Variants in MTCL3 observed in about 807,000 individuals in gnomAD.
MTCL3 encodes microtubule cross-linking factor 3.
At chr6:127,496,798 A>AT in the MTCL3 span, among the ~76,000 whole-genome samples, 1 of 152,216 alleles carries the variant, frequency 6.6e-6, no homozygotes, top group African/African-American at 2.4e-5. Context: ...TAGATAAAAT[A>AT]TGATATTTGC....
At chr6:127,510,845 T>C in the MTCL3 span, among the ~76,000 whole-genome samples, 1 of 152,148 alleles carries the variant, frequency 6.6e-6, no homozygotes, top group African/African-American at 2.4e-5. Context: ...ACCCTCCCTG[T>C]CAAATTCATA....
chr6:127,474,155 T>TAA, the MTCL3 span, among the ~76,000 whole-genome samples: 247 of 148,432 alleles, frequency 1.7e-3, no homozygotes, highest in South Asian at 4.7e-3. Flanking sequence ...CAACTTATGG[T>TAA]AAAAAAAAAA....
chr6:127,486,554 G>A, the MTCL3 span, among the ~76,000 whole-genome samples: 2 of 152,082 alleles, frequency 1.3e-5, no homozygotes, highest in African/African-American at 2.4e-5. Flanking sequence ...GAGCAGTTGG[G>A]GAGGCCACAA....
chr6:127,516,607 T>C, the MTCL3 span: 4 of 1,596,368 alleles, frequency 2.5e-6, no homozygotes, highest in African/African-American at 1.3e-5. Flanking sequence ...GATTGGTGGC[T>C]GACTCATGGC....
the MTCL3 span, among the ~76,000 whole-genome samples, chr6:127,509,367 C>G: frequency 6.6e-6 from 1 of 152,184 alleles, no homozygotes; most frequent in Non-Finnish European, 1.5e-5. Flanking sequence ...TGCACAAGAC[C>G]TTGTGCAGCC....
chr6:127,475,566 C>G, the MTCL3 span: 1 of 1,609,376 alleles, frequency 6.2e-7, no homozygotes, highest in Non-Finnish European at 8.5e-7. This position sits in a 1 kb window ranked among gnomAD's most constrained non-coding sequence, Gnocchi z 7.3. Flanking sequence ...GCTCGGCCTC[C>G]GAGCGGATGT....
chr6:127,492,222 A>C, the MTCL3 span, among the ~76,000 whole-genome samples: 1 of 152,210 alleles, frequency 6.6e-6, no homozygotes, highest in Non-Finnish European at 1.5e-5. Context: ...CCACAGAATT[A>C]TGAGCCACAT....
the MTCL3 span, among the ~76,000 whole-genome samples, chr6:127,503,680 TGTTTCTGGGG>T: frequency 1.3e-5 from 2 of 152,200 alleles, no homozygotes; most frequent in African/African-American, 2.4e-5. Flanking sequence ...GAAGACCTGT[TGTTTCTGGGG>T]GATAAATGGA....
the MTCL3 span, among the ~76,000 whole-genome samples, chr6:127,490,855 G>A: frequency 2.0e-4 from 30 of 152,016 alleles, no homozygotes; most frequent in African/African-American, 7.2e-4. Flanking sequence ...ACACAAAAAA[G>A]AATATTCATG....
At chr6:127,516,624 C>T in the MTCL3 span, 1 of 1,594,578 alleles carries the variant, frequency 6.3e-7, no homozygotes, top group Non-Finnish European at 8.5e-7. Flanking sequence ...TGGCTATGAA[C>T]CTACCAGATG....
the MTCL3 span, among the ~76,000 whole-genome samples, chr6:127,499,121 T>TA: frequency 6.6e-6 from 1 of 151,942 alleles, no homozygotes; most frequent in South Asian, 2.1e-4. Context: ...AAAAGTCAGC[T>TA]AAAAAAAGAA....
At chr6:127,499,802 G>A in the MTCL3 span, among the ~76,000 whole-genome samples, 6 of 152,174 alleles carry the variant, frequency 3.9e-5, no homozygotes, top group Admixed American at 2.6e-4. Flanking sequence ...GCCAATAGAA[G>A]GCACTGGCAG....
chr6:127,480,939 A>G, the MTCL3 span, among the ~76,000 whole-genome samples: 1 of 152,262 alleles, frequency 6.6e-6, no homozygotes, highest in African/African-American at 2.4e-5. Context: ...TGGAAATGAT[A>G]GCAGAAACTT....
chr6:127,515,042 C>T, the MTCL3 span: 110 of 1,613,808 alleles, frequency 6.8e-5, 1 homozygote, highest in Admixed American at 9.5e-4. This position sits in a 1 kb window ranked among gnomAD's most constrained non-coding sequence, Gnocchi z 4.3. Context: ...GCTCATCGAT[C>T]TCGTTCTGAG....
At chr6:127,478,558 C>T in the MTCL3 span, among the ~76,000 whole-genome samples, 1 of 152,240 alleles carries the variant, frequency 6.6e-6, no homozygotes, top group South Asian at 2.1e-4. Flanking sequence ...TGGAAACATC[C>T]ATCAACAGTC....
At chr6:127,514,444 G>C in the MTCL3 span, among the ~76,000 whole-genome samples, 1 of 152,230 alleles carries the variant, frequency 6.6e-6, no homozygotes, top group Non-Finnish European at 1.5e-5. Flanking sequence ...TGCAGCTCCT[G>C]ACTGCCCGAT....
At chr6:127,474,211 C>A in the MTCL3 span, among the ~76,000 whole-genome samples, 1 of 151,684 alleles carries the variant, frequency 6.6e-6, no homozygotes, top group African/African-American at 2.4e-5. Context: ...AGACACAAAA[C>A]CATGTCTCTT....
chr6:127,510,267 G>A, the MTCL3 span, among the ~76,000 whole-genome samples: 1 of 152,070 alleles, frequency 6.6e-6, no homozygotes, highest in South Asian at 2.1e-4. Context: ...TTGCCTCTTT[G>A]GTATGAATAT....
chr6:127,476,540 G>A, the MTCL3 span: 29 of 1,222,576 alleles, frequency 2.4e-5, no homozygotes, highest in Middle Eastern at 3.9e-4. This position sits in a 1 kb window ranked among gnomAD's most constrained non-coding sequence, Gnocchi z 4.4. Flanking sequence ...ACCAAAAGAG[G>A]ACACCTGGAT....
Sources: allele counts gnomAD v4.1 joint callset (sites outside exome capture counted in the v4.1 genomes callset), GRCh38; gene constraint gnomAD v4.1.1; non-coding constraint Gnocchi (gnomAD v3.1); transcripts MANE v1.5; gene names NCBI Gene and HGNC (gene_info 2026-07-23, HGNC 2026-07-21).